The following MANBAL variants were observed in gnomAD, a reference collection of about 807,000 sequenced individuals.
MANBAL encodes the protein mannosidase beta like, also known as protein MANBAL.
In MANBAL, 1 loss-of-function variant was observed where a neutral mutation model predicts 6.4. The ratio of observed to expected loss-of-function variants is 0.16; its 90% CI spans 0.06 to 0.74. MANBAL has a LOEUF of 0.74. MANBAL is among the 30% of genes least tolerant of loss of function. The pLI, the probability that MANBAL is intolerant of heterozygous loss-of-function variation, is 0.78. For missense variants in MANBAL, 100 were observed against 107.8 expected (o/e 0.93, Z 0.32); for synonymous variants, 47 against 45.8 (o/e 1.03, Z -0.10).
At chr20:37,301,715 A>G (rs2069141664) in intron 2 of MANBAL, among the ~76,000 whole-genome samples, 1 of 152,246 alleles carries the variant, frequency 6.6e-6, no homozygotes. Flanking sequence ...ACATACCTCC[A>G]TGTGCTCCCA....
intron 2 of MANBAL, 128 bp from the exon 3 acceptor site, chr20:37,316,180 T>C: frequency 1.2e-6 from 1 of 843,484 alleles, no homozygotes. Context: ...GGGTGGTAGG[T>C]CCCGGGAATG....
intron 2 of MANBAL, among the ~76,000 whole-genome samples, chr20:37,314,424 G>A (rs2069458469): frequency 6.6e-6 from 1 of 152,172 alleles, no homozygotes; most frequent in Non-Finnish European, 1.5e-5. Context: ...AGGCACTGGG[G>A]CGGCAACTGG....
chr20:37,308,252 G>A (rs541437996), intron 2 of MANBAL, among the ~76,000 whole-genome samples: 55 of 152,292 alleles, frequency 3.6e-4, no homozygotes, highest in Middle Eastern at 6.8e-3. Context: ...GGATGGGAAG[G>A]TCCATTCCCA....
chr20:37,294,697 G>C lies in MANBAL; in HGVS notation c.-57+5011G>C, dbSNP rs141613850. Among the ~76,000 whole-genome samples, 568 of 152,076 alleles carry C rather than the reference G, an allele frequency of 3.7e-3. 5 individuals carry two copies. The highest frequency in any genetic ancestry group is 0.025 in the South Asian group (121 of 4,808). The stretch of plus-strand genomic sequence containing the variant: ...CACCTTTGCAGAGAGGCCCTTCCCC[G>C]ACCACCTCATATTAAATAGTACTAT... On this transcript the variant is annotated intron_variant, in intron 1 of 2. Coordinates refer to ENST00000373606, the MANE Select transcript of MANBAL (RefSeq NM_001003897.2).
intron 2 of MANBAL, among the ~76,000 whole-genome samples, chr20:37,306,597 G>T (rs777557217): frequency 1.9e-4 from 29 of 152,220 alleles, no homozygotes; most frequent in Non-Finnish European, 3.7e-4. Flanking sequence ...GGAGGCGTGG[G>T]CCACACTTAA....
At chr20:37,302,993 A>G (rs559684415) in intron 2 of MANBAL, among the ~76,000 whole-genome samples, 52 of 152,188 alleles carry the variant, frequency 3.4e-4, no homozygotes, top group Non-Finnish European at 6.8e-4. Flanking sequence ...GCTCACTGCA[A>G]TCTCTGTCTC....
At chr20:37,300,243 C>T (rs2069102587) in intron 1 of MANBAL, among the ~76,000 whole-genome samples, 1 of 152,234 alleles carries the variant, frequency 6.6e-6, no homozygotes, top group Non-Finnish European at 1.5e-5. Context: ...CTGATCACTT[C>T]TCTGCCTGTA....
At chr20:37,310,262 C>T (rs1484676342) in intron 2 of MANBAL, among the ~76,000 whole-genome samples, 2 of 152,254 alleles carry the variant, frequency 1.3e-5, no homozygotes, top group Non-Finnish European at 2.9e-5. Context: ...CCTATCTTTC[C>T]TCAAGGCCAC....
In MANBAL at chr20:37,302,203, C is replaced by T. The variant is rs971243025; in HGVS notation, c.150+790C>T. ...GGTCGTTTGTCATGTGGGATACCTA[C>T]ATCCCAGGAATTGGCTATTGCTTCT... On this transcript the variant is annotated intron_variant, in intron 2 of 2. Coordinates refer to ENST00000373606, the MANE Select transcript of MANBAL (RefSeq NM_001003897.2). 7 of 1,543,150 alleles carry T rather than the reference C, an allele frequency of 4.5e-6. No homozygotes were observed. In the African/African-American group the frequency reaches 8.2e-5, roughly 18 times the overall value.
Position 37,302,216 on chromosome 20 carries a change from G to A in MANBAL, c.150+803G>A, listed in dbSNP as rs2146806781. On this transcript the variant is annotated intron_variant, in intron 2 of 2. Coordinates refer to ENST00000373606, the MANE Select transcript of MANBAL (RefSeq NM_001003897.2). ...GTGGGATACCTACATCCCAGGAATT[G>A]GCTATTGCTTCTCTGTGGTGTCATT... The A allele has an allele frequency of 2.5e-5, 38 of 1,549,528 alleles. 1 individual carries two copies. The South Asian group carries it at 4.4e-4, about 18-fold the overall frequency.
rs539776302 is a variant in MANBAL, at chr20:37,303,049, A to T, written c.150+1636A>T. On this transcript the variant is annotated intron_variant, in intron 2 of 2. Transcript: ENST00000373606. ...TGCTTCAGCCTCCCAAGTAGCTGGG[A>T]CTACAGGTGTGCCACCATGGCTGGC... Among the ~76,000 whole-genome samples, 3 of 152,280 alleles carry T rather than the reference A, an allele frequency of 2.0e-5. No homozygotes were observed. In the South Asian group the frequency reaches 6.2e-4, roughly 32 times the overall value.
chr20:37,300,253 A>G (rs2069103022), intron 1 of MANBAL, among the ~76,000 whole-genome samples: 1 of 152,028 alleles, frequency 6.6e-6, no homozygotes, highest in African/African-American at 2.4e-5. Flanking sequence ...CTCTGCCTGT[A>G]CTGGCCTCAT....
At chr20:37,299,009 T>G in intron 1 of MANBAL, 1 of 151,970 alleles carries the variant, frequency 6.6e-6, no homozygotes, top group South Asian at 2.1e-4. Flanking sequence ...AGTGTTGGGC[T>G]TACACTTTGG....
chr20:37,298,015 T>G (rs2069038693), intron 1 of MANBAL, among the ~76,000 whole-genome samples: 1 of 152,128 alleles, frequency 6.6e-6, no homozygotes, highest in Non-Finnish European at 1.5e-5. Flanking sequence ...ATGTATAATT[T>G]TACATTTTCC....
chr20:37,316,162 A>G, intron 2 of MANBAL, 146 bp from the exon 3 acceptor site: 1 of 716,948 alleles, frequency 1.4e-6, no homozygotes, highest in Non-Finnish European at 2.3e-6. Flanking sequence ...GCAGTCCCAC[A>G]TCCGTGTGGG....
chr20:37,304,423 C>T (rs1314210480), intron 2 of MANBAL, among the ~76,000 whole-genome samples: 4 of 152,178 alleles, frequency 2.6e-5, no homozygotes, highest in Non-Finnish European at 5.9e-5. Context: ...TTCCTTCCCA[C>T]ATAGTTAACA....
At chr20:37,294,440 T>C (rs1399254178) in intron 1 of MANBAL, among the ~76,000 whole-genome samples, 1 of 152,242 alleles carries the variant, frequency 6.6e-6, no homozygotes, top group Non-Finnish European at 1.5e-5. Context: ...CATTTTGAAA[T>C]GAGTGAGACC....
intron 2 of MANBAL, among the ~76,000 whole-genome samples, chr20:37,312,884 A>G (rs1446258830): frequency 2.0e-5 from 3 of 152,226 alleles, no homozygotes; most frequent in Non-Finnish European, 4.4e-5. Context: ...AAGTCTGTTC[A>G]TATCCTCTGT....
At chr20:37,291,256 CCCA>C (rs1187368999) in intron 1 of MANBAL, among the ~76,000 whole-genome samples, 1 of 152,120 alleles carries the variant, frequency 6.6e-6, no homozygotes, top group Non-Finnish European at 1.5e-5. Context: ...GCCCATATAG[CCCA>C]CGTTTCCCCT....
Sources: gnomAD v4.1 joint callset for allele counts (sites outside exome capture counted in the v4.1 genomes callset) on GRCh38, gnomAD v4.1.1 for gene constraint, MANE v1.5 for transcripts, NCBI Gene and HGNC (gene_info 2026-07-23, HGNC 2026-07-21) for gene names.